Variants in LY6G6F observed in about 807,000 individuals in gnomAD.
LY6G6F encodes lymphocyte antigen 6 complex locus protein G6f.
In LY6G6F, 26 loss-of-function variants were observed where a neutral mutation model predicts 33.0. That is an observed-to-expected ratio of 0.79 (90% CI 0.58 to 1.09). LY6G6F has a LOEUF of 1.09. LY6G6F is among the 50% of genes least tolerant of loss of function. The pLI is 0.00. For synonymous variants in LY6G6F, 132 were observed against 148.1 expected (o/e 0.89, Z 0.79); for missense variants, 317 against 372.0 (o/e 0.85, Z 1.22).
chr6:31,710,383 C>T lies in LY6G6F; in HGVS notation c.834C>T (p.Ile278=). 7 of 1,614,158 alleles carry T rather than the reference C, an allele frequency of 4.3e-6. No homozygotes were observed. Among genetic ancestry groups the T allele is most frequent in the Non-Finnish European group, 5.9e-6 (7 of 1,180,036 alleles). Residue 278 remains isoleucine (I), a synonymous_variant, in exon 5 of 6, where the codon ATC becomes ATT. Transcript: ENST00000375832. The surrounding 1 kb of genome is among the most constrained non-coding windows in gnomAD (Gnocchi z 4.7). ...CGATTCCTCAGTTCAAACCCGAAAT[C>T]CAGGTCTATGAGAACATCCATTTGG... ...DASIPQFKPE[I]QVYENIHLAR... is the part of the protein sequence containing the mutation.
rs146478129 is a variant in LY6G6F at position 31,707,983 on chromosome 6, C to T, written c.495C>T (p.Pro165=). ...TGACCTGGCAGGAAGGGAAGGGTCC[C>T]GTGAGGGGCCGTGTTCAGTCCTTCT... ...DSVTWQEGKG[P]VRGRVQSFWG... is the part of the protein sequence containing the mutation. The change falls in exon 3 of 6, where the codon CCC becomes CCT. Residue 165 remains proline, a synonymous_variant. Transcript: ENST00000375832. The surrounding 1 kb of genome is among the most constrained non-coding windows in gnomAD (Gnocchi z 4.1). 1.2e-6 allele frequency: 2 copies of T among 1,612,966 alleles called. No homozygotes were observed. The highest frequency in any genetic ancestry group is 1.1e-5 in the South Asian group (1 of 91,096).
chr6:31,708,521 A>G (rs1282075022), intron 3 of LY6G6F, among the ~76,000 whole-genome samples: 1 of 152,202 alleles, frequency 6.6e-6, no homozygotes, highest in African/African-American at 2.4e-5. Context: ...ATTACTATAA[A>G]GGGTGTGAGG....
chr6:31,708,465 G>C (rs889841493), intron 3 of LY6G6F, among the ~76,000 whole-genome samples: 1 of 152,170 alleles, frequency 6.6e-6, no homozygotes, highest in African/African-American at 2.4e-5. Flanking sequence ...GGGGTTACAG[G>C]CATGAGCCAT....
Position 31,707,822 on chromosome 6 carries a change from G to A in LY6G6F, c.382+35G>A, listed in dbSNP as rs768362607. The A allele has an allele frequency of 6.2e-7, 1 of 1,608,198 alleles. No homozygotes were observed. The highest frequency in any genetic ancestry group is 1.7e-5 in the Admixed American group (1 of 59,824). On this transcript the variant is annotated intron_variant, in intron 2 of 5. Transcript: ENST00000375832. This position sits in a 1 kb window ranked among gnomAD's most constrained non-coding sequence, Gnocchi z 4.1. ...GGCATGCAGACCAGGGGCTACTGTG[G>A]CCCAGGAAGTCCAGGTGAAGAACTG...
At position 31,706,894 on chromosome 6, in the gene LY6G6F, G is replaced by C; in HGVS notation, c.-13G>C. On this transcript the variant is annotated 5_prime_UTR_variant, in exon 1 of 6. Transcript: ENST00000375832. ...CCAGGTCTTGGAGCAAGAGAACTTG[G>C]CAGGCTCTCCCCATGGCAGTCTTAT... 6.2e-7 allele frequency: 1 copy of C among 1,614,080 alleles called. No homozygotes were observed. Among genetic ancestry groups the C allele is most frequent in the Non-Finnish European group, 8.5e-7 (1 of 1,179,980 alleles).
At position 31,706,967 on chromosome 6, in the gene LY6G6F, C is replaced by T. The variant is rs1805661181; in HGVS notation, c.52+9C>T. On this transcript the variant is annotated intron_variant, in intron 1 of 5. Coordinates refer to ENST00000375832, the MANE Select transcript of LY6G6F (RefSeq NM_001003693.3). ...AACTCCCCAGGCTGCAGGTAAGGGG[C>T]AAGAGGTACGGGATTCCTTAGCTAT... 6.2e-7 allele frequency: 1 copy of T among 1,613,648 alleles called. No individual in the cohort carries two copies. The highest frequency in any genetic ancestry group is 8.5e-7 in the Non-Finnish European group (1 of 1,179,654).
At position 31,707,950 on chromosome 6, in the gene LY6G6F, GGACTCTGTGACCTGGCAGGAA is replaced by G. The variant is rs1462952561; in HGVS notation, c.464_484del (p.Asp155_Glu161del). 6.2e-7 allele frequency: 1 copy of G among 1,613,090 alleles called. No individual in the cohort carries two copies. Among genetic ancestry groups the G allele is most frequent in the African/African-American group, 1.3e-5 (1 of 74,940 alleles). ...GCTCTGTGGTCCCCAGCAGACGCATGGACTCTGTGACCTGGCAGGAAGGGAAGGGTCCCGTGAGGGGCCGTG... is the reference window on the plus strand; with the variant it reads ...GCTCTGTGGTCCCCAGCAGACGCATGGGGAAGGGTCCCGTGAGGGGCCGTG... On this transcript the variant is annotated inframe_deletion, in exon 3 of 6. Transcript: ENST00000375832. The surrounding 1 kb of genome is among the most constrained non-coding windows in gnomAD (Gnocchi z 4.1).
chr6:31,710,537 C>G lies in LY6G6F; in HGVS notation c.870-30C>G. On this transcript the variant is annotated intron_variant, in intron 5 of 5. Coordinates refer to ENST00000375832, the MANE Select transcript of LY6G6F (RefSeq NM_001003693.3). The surrounding 1 kb of genome is among the most constrained non-coding windows in gnomAD (Gnocchi z 4.7). ...TGAGGATGTGAAAAGTAGAGGTATC[C>G]TTAATCTGTCTCTCTGGAAAACCCC... 7.4e-6 allele frequency: 12 copies of G among 1,614,082 alleles called. No homozygotes were observed. Among genetic ancestry groups the G allele is most frequent in the Non-Finnish European group, 1.0e-5 (12 of 1,180,002 alleles).
intron 3 of LY6G6F, among the ~76,000 whole-genome samples, chr6:31,709,057 G>A (rs1338987558): frequency 2.2e-5 from 3 of 139,146 alleles, no homozygotes; most frequent in South Asian, 4.5e-4. Context: ...GAGCCACCAC[G>A]CCTGGCCTTT....
In LY6G6F at chr6:31,707,817, C is replaced by T. The variant is rs766064215; in HGVS notation, c.382+30C>T. On this transcript the variant is annotated intron_variant, in intron 2 of 5. Transcript: ENST00000375832. This position sits in a 1 kb window ranked among gnomAD's most constrained non-coding sequence, Gnocchi z 4.1. ...GTGGGGGCATGCAGACCAGGGGCTA[C>T]TGTGGCCCAGGAAGTCCAGGTGAAG... 5.6e-6 allele frequency: 9 copies of T among 1,608,580 alleles called. No homozygotes were observed. The highest frequency in any genetic ancestry group is 7.7e-6 in the Non-Finnish European group (9 of 1,175,988).
Position 31,707,433 on chromosome 6 carries a change from G to A in LY6G6F, c.53-25G>A, listed in dbSNP as rs753342206. Reference sequence around the variant, plus strand: ...GTTATTGATCTGATGGAGGTCTCTGGCCTCATACAACCCTCTTCCCACAGA... The same window carrying A: ...GTTATTGATCTGATGGAGGTCTCTGACCTCATACAACCCTCTTCCCACAGA... On this transcript the variant is annotated intron_variant, in intron 1 of 5. Transcript: ENST00000375832. This position sits in a 1 kb window ranked among gnomAD's most constrained non-coding sequence, Gnocchi z 4.1. The A allele has an allele frequency of 5.3e-5, 85 of 1,601,668 alleles. No homozygotes were observed. The highest frequency in any genetic ancestry group is 7.3e-5 in the Non-Finnish European group (85 of 1,170,350).
chr6:31,710,444 C>T lies in LY6G6F; in HGVS notation c.869+26C>T. ...GTGAGGAACAGCTAGGGAACAGAGG[C>T]TTAAATCCTGGAGGGGACTGGGGAT... On this transcript the variant is annotated intron_variant, in intron 5 of 5. Coordinates refer to ENST00000375832, the MANE Select transcript of LY6G6F (RefSeq NM_001003693.3). The surrounding 1 kb of genome is among the most constrained non-coding windows in gnomAD (Gnocchi z 4.7). 1 of 1,614,042 alleles carries T rather than the reference C, an allele frequency of 6.2e-7. No individual in the cohort carries two copies. The highest frequency in any genetic ancestry group is 8.5e-7 in the Non-Finnish European group (1 of 1,179,932).
Position 31,710,483 on chromosome 6 carries a change from G to C in LY6G6F, c.869+65G>C, listed in dbSNP as rs761164727. On this transcript the variant is annotated intron_variant, in intron 5 of 5. Coordinates refer to ENST00000375832, the MANE Select transcript of LY6G6F (RefSeq NM_001003693.3). This position sits in a 1 kb window ranked among gnomAD's most constrained non-coding sequence, Gnocchi z 4.7. ...GGGACTGGGGATGGAGAGGAAACAC[G>C]GGTTGGGTTGGGGATGGGCCCTCGT... 3 of 1,613,382 alleles carry C rather than the reference G, an allele frequency of 1.9e-6. No individual in the cohort carries two copies. Among genetic ancestry groups the C allele is most frequent in the Non-Finnish European group, 2.5e-6 (3 of 1,179,436 alleles).
Position 31,710,236 on chromosome 6 carries a change from G to A in LY6G6F, c.802+55G>A. On this transcript the variant is annotated intron_variant, in intron 4 of 5. Transcript: ENST00000375832. This position sits in a 1 kb window ranked among gnomAD's most constrained non-coding sequence, Gnocchi z 4.7. Reference sequence around the variant, plus strand: ...AGGGCACATGGGTGGGAGGCAAAGGGCTAGGCTCACACCCCGCCTCTGTAC... The same window carrying A: ...AGGGCACATGGGTGGGAGGCAAAGGACTAGGCTCACACCCCGCCTCTGTAC... 1 of 1,609,672 alleles carries A rather than the reference G, an allele frequency of 6.2e-7. No homozygotes were observed. The highest frequency in any genetic ancestry group is 8.5e-7 in the Non-Finnish European group (1 of 1,177,640).
intron 3 of LY6G6F, among the ~76,000 whole-genome samples, chr6:31,709,549 C>G (rs1417854686): frequency 6.6e-6 from 1 of 152,010 alleles, no homozygotes; most frequent in African/African-American, 2.4e-5. Flanking sequence ...TGAGCCACAG[C>G]GCCCGGCCTC....
chr6:31,708,610 T>TTTTTATTTTA (rs750139461), intron 3 of LY6G6F, among the ~76,000 whole-genome samples: 3 of 152,156 alleles, frequency 2.0e-5, no homozygotes, highest in Non-Finnish European at 2.9e-5. Flanking sequence ...CATTCTCTAC[T>TTTTTATTTTA]TTTTATTTTA....
Position 31,707,584 on chromosome 6 carries a change from C to T in LY6G6F, c.179C>T (p.Thr60Ile). The change falls in exon 2 of 6, where the codon ACC becomes ATC. Residue 60 changes from threonine to isoleucine, a missense_variant. Thr to Ile is a moderately conservative substitution (Grantham distance 89). Transcript: ENST00000375832. This position sits in a 1 kb window ranked among gnomAD's most constrained non-coding sequence, Gnocchi z 4.1. Reference protein sequence around the residue: ...FCSPAAGSFTTLVAQVQVGRP... With the variant: ...FCSPAAGSFTILVAQVQVGRP... ...AGCCCTGCAGCAGGCTCCTTCACCA[C>T]CCTGGTAGCCCAAGTCCAAGTGGGC... 1 of 1,613,952 alleles carries T rather than the reference C, an allele frequency of 6.2e-7. No individual in the cohort carries two copies.
rs938999741 is a variant in LY6G6F, at chr6:31,707,030, G to A, written c.52+72G>A. 16 of 1,508,542 alleles carry A rather than the reference G, an allele frequency of 1.1e-5. No homozygotes were observed. The highest frequency in any genetic ancestry group is 1.4e-5 in the Non-Finnish European group (15 of 1,084,176). The allele number at this position is 1,508,542 out of a possible 1,614,324, so 93.4% of individuals were successfully genotyped here. On this transcript the variant is annotated intron_variant, in intron 1 of 5. Transcript: ENST00000375832. The surrounding 1 kb of genome is among the most constrained non-coding windows in gnomAD (Gnocchi z 4.1). ...GGAGGGACTACTGCTCTTTCTCCTAGGAGCCTGGCGAAGGCATCTGACTCA... is the reference window on the plus strand; with the variant it reads ...GGAGGGACTACTGCTCTTTCTCCTAAGAGCCTGGCGAAGGCATCTGACTCA...
In LY6G6F at chr6:31,708,977, G is replaced by C. The variant is rs575723906; in HGVS notation, c.646+843G>C. 7.2e-5 allele frequency among the ~76,000 whole-genome samples: 11 copies of C among 151,882 alleles called. No homozygotes were observed. In the East Asian group the frequency reaches 1.9e-3, roughly 27 times the overall value. On this transcript the variant is annotated intron_variant, in intron 3 of 5. Coordinates refer to ENST00000375832, the MANE Select transcript of LY6G6F (RefSeq NM_001003693.3). Reference sequence around the variant, plus strand: ...AGACGGGGTTTCACCATGTTGGCCAGGATGGCCTTGATCTCTTGACCTCAT... The same window carrying C: ...AGACGGGGTTTCACCATGTTGGCCACGATGGCCTTGATCTCTTGACCTCAT...
Sources: gnomAD v4.1 joint callset for allele counts (sites outside exome capture counted in the v4.1 genomes callset) on GRCh38, gnomAD v4.1.1 for gene constraint, Gnocchi (gnomAD v3.1) non-coding constraint, MANE v1.5 for transcripts, NCBI Gene and HGNC (gene_info 2026-07-23, HGNC 2026-07-21) for gene names.